RASGRF2: variants seen among roughly 807,000 people sequenced by gnomAD.
The protein encoded by RASGRF2 is ras-specific guanine nucleotide-releasing factor 2.
RASGRF2 carries 76 observed loss-of-function variants against 151.0 expected under a neutral mutation model. That is an observed-to-expected ratio of 0.50 (90% confidence interval 0.42 to 0.61). The LOEUF is 0.61. Ranked by LOEUF, RASGRF2 falls within the 20% of genes least tolerant of loss-of-function variation. The pLI, the probability that RASGRF2 is intolerant of heterozygous loss-of-function variation, is 0.00. For missense variants in RASGRF2, 1,148 were observed against 1,564.6 expected (o/e 0.73, Z 4.49); for synonymous variants, 504 against 566.5 (o/e 0.89, Z 1.57).
intron 1 of RASGRF2, among the ~76,000 whole-genome samples, chr5:80,987,675 G>A (rs931251935): frequency 7.2e-5 from 11 of 152,114 alleles, no homozygotes; most frequent in African/African-American, 2.7e-4. Context: ...AGGGGATAAA[G>A]TCAGAATAGT....
At chr5:81,028,645 A>G (rs1750123680) in intron 1 of RASGRF2, among the ~76,000 whole-genome samples, 1 of 152,252 alleles carries the variant, frequency 6.6e-6, no homozygotes, top group African/African-American at 2.4e-5. Flanking sequence ...AAGCCATGAA[A>G]ATAAAAAATT....
chr5:81,055,330 G>C (rs1316304116), intron 2 of RASGRF2, among the ~76,000 whole-genome samples: 2 of 152,098 alleles, frequency 1.3e-5, no homozygotes, highest in African/African-American at 4.8e-5. Context: ...AGAGTTTTTA[G>C]CATGAAGGGC....
chr5:81,061,659 C>T (rs1463965756), intron 2 of RASGRF2, among the ~76,000 whole-genome samples: 1 of 151,906 alleles, frequency 6.6e-6, no homozygotes, highest in African/African-American at 2.4e-5. Context: ...TAGGTGTATG[C>T]TACCACACCC....
chr5:80,987,837 C>T (rs1299263728), intron 1 of RASGRF2, among the ~76,000 whole-genome samples: 3 of 152,166 alleles, frequency 2.0e-5, no homozygotes, highest in Non-Finnish European at 4.4e-5. Context: ...TGTTTTTGAT[C>T]ACGGTGTGAA....
intron 4 of RASGRF2, 71 bp downstream of exon 4, chr5:81,070,652 C>G (rs1279292472): frequency 3.0e-6 from 4 of 1,354,454 alleles, no homozygotes; most frequent in Admixed American, 1.8e-5. Flanking sequence ...GGTGTCTTTG[C>G]CACCCTGTGC....
chr5:81,025,264 C>A (rs536110554), intron 1 of RASGRF2, among the ~76,000 whole-genome samples: 2 of 152,348 alleles, frequency 1.3e-5, no homozygotes, highest in South Asian at 4.1e-4. Context: ...GAAACACTCC[C>A]TTTCTACTTG....
chr5:81,204,819 G>A (rs1755470367), intron 19 of RASGRF2, among the ~76,000 whole-genome samples: 1 of 151,960 alleles, frequency 6.6e-6, no homozygotes, highest in African/African-American at 2.4e-5. Context: ...TAACTTAATG[G>A]CACCAGAGTG....
At chr5:81,165,150 T>C (rs1031264089) in intron 17 of RASGRF2, among the ~76,000 whole-genome samples, 9 of 152,136 alleles carry the variant, frequency 5.9e-5, no homozygotes, top group African/African-American at 2.2e-4. Flanking sequence ...CCTCAGTTGC[T>C]GAACTGAAAG....
intron 17 of RASGRF2, among the ~76,000 whole-genome samples, chr5:81,146,179 T>C (rs1754000962): frequency 6.6e-6 from 1 of 152,208 alleles, no homozygotes; most frequent in Non-Finnish European, 1.5e-5. Context: ...GACTCATTTT[T>C]CTCTGCTGTT....
At chr5:81,103,224 C>T (rs934315229) in intron 12 of RASGRF2, among the ~76,000 whole-genome samples, 3 of 151,674 alleles carry the variant, frequency 2.0e-5, no homozygotes, top group Non-Finnish European at 2.9e-5. Context: ...TCAACCATAG[C>T]TAGTGAGATG....
At chr5:81,158,031 C>T (rs1038025071) in intron 17 of RASGRF2, among the ~76,000 whole-genome samples, 3 of 152,262 alleles carry the variant, frequency 2.0e-5, no homozygotes, top group East Asian at 1.9e-4. Flanking sequence ...AGGGTGCTAA[C>T]ACTTCTGTGG....
chr5:81,160,679 C>CAAA (rs1554038880), intron 17 of RASGRF2, among the ~76,000 whole-genome samples: 17 of 101,868 alleles, frequency 1.7e-4, no homozygotes, highest in African/African-American at 6.9e-4. Flanking sequence ...GACTCTGTCT[C>CAAA]AAAAATAATA....
chr5:81,069,812 A>C (rs1561590474), intron 3 of RASGRF2, among the ~76,000 whole-genome samples: 1 of 152,228 alleles, frequency 6.6e-6, no homozygotes, highest in Non-Finnish European at 1.5e-5. Context: ...TAAGCTTGTA[A>C]GAGCCTGCTG....
intron 1 of RASGRF2, among the ~76,000 whole-genome samples, chr5:81,020,195 A>T (rs1299174335): frequency 6.6e-6 from 1 of 152,186 alleles, no homozygotes. Flanking sequence ...AGATAAGAGG[A>T]AGAGTCTTTC....
intron 1 of RASGRF2, among the ~76,000 whole-genome samples, chr5:81,028,217 A>C (rs953871745): frequency 1.5e-5 from 2 of 130,274 alleles, no homozygotes. Context: ...TTAGGAAATA[A>C]ATTTTTCTCA....
At chr5:81,112,320 T>C (rs1281486351) in intron 13 of RASGRF2, among the ~76,000 whole-genome samples, 1 of 152,224 alleles carries the variant, frequency 6.6e-6, no homozygotes, top group African/African-American at 2.4e-5. Context: ...GTTTTAAGTA[T>C]TGTAATCTAG....
At chr5:81,070,304 T>C (rs1224473327) in intron 3 of RASGRF2, 188 bp from the exon 4 acceptor site, 11 of 538,988 alleles carry the variant, frequency 2.0e-5, no homozygotes, top group African/African-American at 3.8e-5. Flanking sequence ...AACACTTTCA[T>C]TGGTGATACC....
intron 26 of RASGRF2, among the ~76,000 whole-genome samples, chr5:81,221,142 G>T (rs529631062): frequency 2.6e-5 from 4 of 152,236 alleles, no homozygotes; most frequent in African/African-American, 9.6e-5. Flanking sequence ...AGCTTGAATC[G>T]CCTGGCTAAG....
chr5:81,162,820 G>A (rs1754418176), intron 17 of RASGRF2, among the ~76,000 whole-genome samples: 1 of 152,212 alleles, frequency 6.6e-6, no homozygotes, highest in Admixed American at 6.5e-5. Context: ...ATCCATTAAA[G>A]TTTGGTTTGG....
Sources: gnomAD v4.1 joint callset for allele counts (sites outside exome capture counted in the v4.1 genomes callset) on GRCh38, gnomAD v4.1.1 for gene constraint, MANE v1.5 for transcripts, NCBI Gene and HGNC (gene_info 2026-07-23, HGNC 2026-07-21) for gene names.